Variants in ATL1 observed in about 807,000 individuals in gnomAD.
ATL1 encodes the protein atlastin GTPase 1.
In ATL1, 31 loss-of-function variants were observed where a neutral mutation model predicts 75.5. The observed-to-expected ratio is 0.41, with a 90% CI of 0.31 to 0.55. ATL1 has a LOEUF of 0.55. Ranked by LOEUF, ATL1 falls within the 20% of genes least tolerant of loss-of-function variation. The probability of loss-of-function intolerance (pLI) is 0.27; values close to 1 mark genes in which losing one functional copy is unlikely to be tolerated. For synonymous variants in ATL1, 226 were observed against 233.3 expected, an observed-to-expected ratio of 0.97 and a Z score of 0.28; for missense variants, 405 against 662.6, an observed-to-expected ratio of 0.61 and a Z score of 4.27.
At chr14:50,606,102 C>G (rs1465715581) in intron 6 of ATL1, among the ~76,000 whole-genome samples, 1 of 151,874 alleles carries the variant, frequency 6.6e-6, no homozygotes, top group African/African-American at 2.4e-5. Context: ...GCAAGGAGGG[C>G]AGGTTTCAGA....
chr14:50,561,703 CTT>C (rs2140175770), intron 1 of ATL1, among the ~76,000 whole-genome samples: 1 of 152,248 alleles, frequency 6.6e-6, no homozygotes, highest in East Asian at 1.9e-4. Flanking sequence ...TCTGTCATGA[CTT>C]AGCTGAGTTT....
rs996717414 is a variant in ATL1, at chr14:50,625,788, T to A, written c.1120-2243T>A. The stretch of plus-strand genomic sequence containing the variant: ...AGCCGGGCGCAGAGGCGGGCACCTG[T>A]AGTCCCAGGTACTCAGGAGGCTGAG... On this transcript the variant is annotated intron_variant, in intron 11 of 13. Coordinates refer to ENST00000358385, the MANE Select transcript of ATL1 (RefSeq NM_015915.5). 4.6e-5 allele frequency among the ~76,000 whole-genome samples: 7 copies of A among 151,758 alleles called. No homozygotes were observed. In the East Asian group the frequency reaches 1.4e-3, roughly 29 times the overall value.
At chr14:50,627,229 G>A (rs2039530090) in intron 11 of ATL1, among the ~76,000 whole-genome samples, 1 of 152,192 alleles carries the variant, frequency 6.6e-6, no homozygotes, top group South Asian at 2.1e-4. Flanking sequence ...ATGATCCTTA[G>A]CATTTTTTGC....
intron 1 of ATL1, among the ~76,000 whole-genome samples, chr14:50,574,363 A>G (rs2038981566): frequency 6.6e-6 from 1 of 152,208 alleles, no homozygotes; most frequent in African/African-American, 2.4e-5. Context: ...AAATCTAAAC[A>G]AGAGCTCTCC....
chr14:50,561,604 T>A (rs2038846465), intron 1 of ATL1, among the ~76,000 whole-genome samples: 1 of 152,180 alleles, frequency 6.6e-6, no homozygotes, highest in Non-Finnish European at 1.5e-5. Flanking sequence ...CTCTGATTGT[T>A]CTAATGGTCA....
At position 50,560,315 on chromosome 14, in the gene ATL1, G is replaced by A. The variant is rs368925590; in HGVS notation, c.34+16G>A. ...AACAGTTGGGGTGAGTAGCAAATGA[G>A]AACTTCTGCAGCCTGCACGGGGTCT... On this transcript the variant is annotated intron_variant, in intron 1 of 13. Coordinates refer to ENST00000358385, the MANE Select transcript of ATL1 (RefSeq NM_015915.5). The A allele has an allele frequency of 1.5e-5, 25 of 1,613,646 alleles. No homozygotes were observed. Among genetic ancestry groups the A allele is most frequent in the Non-Finnish European group, 1.9e-5 (22 of 1,179,750 alleles).
At chr14:50,543,280 T>C (rs973207470) in intron 1 of ATL1, among the ~76,000 whole-genome samples, 127 of 152,380 alleles carry the variant, frequency 8.3e-4, no homozygotes, top group African/African-American at 2.8e-3. Context: ...ATTGCAGAGA[T>C]CCCAGTATGA....
intron 6 of ATL1, among the ~76,000 whole-genome samples, chr14:50,605,263 A>G (rs1422119360): frequency 6.6e-6 from 1 of 151,648 alleles, no homozygotes; most frequent in African/African-American, 2.4e-5. Flanking sequence ...TGCCTGCAAT[A>G]TCCATAGACT....
intron 4 of ATL1, 88 bp from the exon 5 acceptor site, chr14:50,593,758 C>G: frequency 1.2e-6 from 1 of 852,462 alleles, no homozygotes; most frequent in Non-Finnish European, 2.0e-6. Flanking sequence ...TTTGTGGTAA[C>G]TGATATTTTT....
intron 11 of ATL1, among the ~76,000 whole-genome samples, chr14:50,623,637 C>A (rs2039489417): frequency 6.6e-6 from 1 of 151,846 alleles, no homozygotes; most frequent in South Asian, 2.1e-4. Context: ...AAAACAAAAA[C>A]CCTAAGGGCC....
intron 8 of ATL1, among the ~76,000 whole-genome samples, chr14:50,617,998 T>G (rs1419473703): frequency 6.6e-6 from 1 of 152,238 alleles, no homozygotes; most frequent in African/African-American, 2.4e-5. Flanking sequence ...TCCAAATGTA[T>G]GGTTAGATGC....
intron 1 of ATL1, among the ~76,000 whole-genome samples, chr14:50,553,018 G>A (rs1272237738): frequency 6.6e-6 from 1 of 152,150 alleles, no homozygotes; most frequent in Non-Finnish European, 1.5e-5. Context: ...AATGGGGCCA[G>A]GCATGGTGGC....
intron 6 of ATL1, among the ~76,000 whole-genome samples, chr14:50,598,400 G>A (rs1360074876): frequency 3.3e-5 from 5 of 151,506 alleles, no homozygotes; most frequent in African/African-American, 7.3e-5. Context: ...CTTGTTGTCC[G>A]GGATGGAATG....
At chr14:50,593,007 A>T (rs1289483700) in intron 4 of ATL1, among the ~76,000 whole-genome samples, 6 of 150,264 alleles carry the variant, frequency 4.0e-5, no homozygotes, top group Non-Finnish European at 3.0e-5. Context: ...GTATATATAT[A>T]ATGTACAATA....
At chr14:50,564,243 CTTTG>C (rs898679100) in intron 1 of ATL1, among the ~76,000 whole-genome samples, 92 of 152,258 alleles carry the variant, frequency 6.0e-4, no homozygotes, top group African/African-American at 2.0e-3. Context: ...GAAATGCATA[CTTTG>C]TTTGTTTGTT....
At chr14:50,593,202 T>C (rs934380441) in intron 4 of ATL1, among the ~76,000 whole-genome samples, 3 of 151,990 alleles carry the variant, frequency 2.0e-5, no homozygotes, top group Admixed American at 1.3e-4. Context: ...AAAAATCTGC[T>C]AATTCCTTAG....
At chr14:50,631,533 A>G (rs541617966) in intron 13 of ATL1, among the ~76,000 whole-genome samples, 2 of 152,336 alleles carry the variant, frequency 1.3e-5, no homozygotes, top group South Asian at 4.1e-4. Context: ...GGAAACAAAG[A>G]TATCTATGAA....
In ATL1 at chr14:50,632,506, G is replaced by A. The variant is rs1595629087; in HGVS notation, c.*167G>A. The A allele has an allele frequency of 1.8e-6, 1 of 561,466 alleles. No individual in the cohort carries two copies. Among genetic ancestry groups the A allele is most frequent in the East Asian group, 3.4e-5 (1 of 29,834 alleles). The allele number at this position is 561,466 out of a possible 1,614,324, so 34.8% of individuals were successfully genotyped here. A position where few individuals can be genotyped will look rare whatever the true frequency, so the allele number is the denominator to read the frequency against. On this transcript the variant is annotated 3_prime_UTR_variant, in exon 14 of 14. Coordinates refer to ENST00000358385, the MANE Select transcript of ATL1 (RefSeq NM_015915.5). Reference sequence around the variant, plus strand: ...CTTTTACTTCAGTGTTTAATAAGCAGATGTATGTATGCATGGTTATACTAT... The same window carrying A: ...CTTTTACTTCAGTGTTTAATAAGCAAATGTATGTATGCATGGTTATACTAT...
intron 11 of ATL1, 141 bp from the exon 12 acceptor site, chr14:50,627,890 G>C (rs1566735614): frequency 2.6e-6 from 2 of 766,588 alleles, no homozygotes; most frequent in East Asian, 5.3e-5. Context: ...GGGGTGGAAA[G>C]ATGTGGGCTG....
Sources: allele counts gnomAD v4.1 joint callset (sites outside exome capture counted in the v4.1 genomes callset), GRCh38; gene constraint gnomAD v4.1.1; transcripts MANE v1.5; gene names NCBI Gene and HGNC (gene_info 2026-07-23, HGNC 2026-07-21).